The following CHST11 variants were observed in gnomAD, a reference collection of about 807,000 sequenced individuals.
CHST11 encodes the protein C4S-1.
In CHST11, 9 loss-of-function variants were observed where a neutral mutation model predicts 30.4. That is an observed-to-expected ratio of 0.30 (90% CI 0.18 to 0.52). The LOEUF is 0.52. Ranked by LOEUF, CHST11 falls within the 20% of genes least tolerant of loss-of-function variation. CHST11 has a pLI of 0.97. For synonymous variants in CHST11, 152 were observed against 187.8 expected (o/e 0.81, Z 1.56); for missense variants, 348 against 460.6 (o/e 0.76, Z 2.24).
At chr12:104,558,086 G>A (rs545988955) in intron 1 of CHST11, among the ~76,000 whole-genome samples, 2 of 152,240 alleles carry the variant, frequency 1.3e-5, no homozygotes, top group South Asian at 4.1e-4. Flanking sequence ...CAGCCGTGGA[G>A]ATGTGCAGTT....
chr12:104,581,786 G>C (rs1342013992), intron 1 of CHST11, among the ~76,000 whole-genome samples: 2 of 152,212 alleles, frequency 1.3e-5, no homozygotes, highest in African/African-American at 4.8e-5. Flanking sequence ...CTGCCTCCCT[G>C]CATCTTAGCA....
At chr12:104,599,240 G>A (rs1321634362) in intron 1 of CHST11, among the ~76,000 whole-genome samples, 5 of 152,158 alleles carry the variant, frequency 3.3e-5, no homozygotes, top group African/African-American at 4.8e-5. Context: ...AGAACCCAAG[G>A]TTCAGGCCCC....
At chr12:104,637,300 T>G in intron 2 of CHST11, among the ~76,000 whole-genome samples, 1 of 17,862 alleles carries the variant, frequency 5.6e-5, no homozygotes, top group Non-Finnish European at 9.1e-5. Flanking sequence ...AGTGAGACCC[T>G]GTAAAAAAAA....
chr12:104,654,748 A>G (rs964734092), intron 2 of CHST11, among the ~76,000 whole-genome samples: 1 of 152,158 alleles, frequency 6.6e-6, no homozygotes, highest in Non-Finnish European at 1.5e-5. Flanking sequence ...GCAAGGTCAC[A>G]CGCAGACAGA....
At chr12:104,617,378 C>T (rs114030339) in intron 2 of CHST11, among the ~76,000 whole-genome samples, 1,776 of 152,312 alleles carry the variant, frequency 0.012, 31 homozygotes, top group African/African-American at 0.04. Flanking sequence ...CTCACCTTCA[C>T]TCCAGCATTT....
At chr12:104,569,242 A>G (rs1166882353) in intron 1 of CHST11, among the ~76,000 whole-genome samples, 1 of 152,238 alleles carries the variant, frequency 6.6e-6, no homozygotes, top group Non-Finnish European at 1.5e-5. Context: ...CTGACGGAAG[A>G]AATTCTAGGA....
chr12:104,705,467 G>A (rs1245791856), intron 2 of CHST11, among the ~76,000 whole-genome samples: 1 of 152,186 alleles, frequency 6.6e-6, no homozygotes, highest in South Asian at 2.1e-4. Context: ...CTGGGCAACA[G>A]CTATTTTTTG....
intron 1 of CHST11, among the ~76,000 whole-genome samples, chr12:104,561,502 C>T (rs778502972): frequency 1.3e-5 from 2 of 152,156 alleles, no homozygotes; most frequent in African/African-American, 2.4e-5. Flanking sequence ...GTTTCTAACA[C>T]TATGAAAGAA....
chr12:104,658,557 A>G (rs536261484), intron 2 of CHST11, among the ~76,000 whole-genome samples: 3 of 152,280 alleles, frequency 2.0e-5, no homozygotes, highest in Non-Finnish European at 2.9e-5. Context: ...TTAATTCATG[A>G]CAGCGTGTAC....
At chr12:104,540,175 T>C (rs1005653939) in intron 1 of CHST11, among the ~76,000 whole-genome samples, 3 of 152,244 alleles carry the variant, frequency 2.0e-5, no homozygotes, top group Non-Finnish European at 4.4e-5. Context: ...ATTTTCCATC[T>C]GAGGTTGGTT....
At chr12:104,572,580 T>C (rs2136025025) in intron 1 of CHST11, among the ~76,000 whole-genome samples, 1 of 152,314 alleles carries the variant, frequency 6.6e-6, no homozygotes, top group East Asian at 1.9e-4. Flanking sequence ...TCATTTTTTA[T>C]TGCATCTATT....
At chr12:104,500,546 T>TAGTTTG (rs376929370) in intron 1 of CHST11, among the ~76,000 whole-genome samples, 1 of 152,010 alleles carries the variant, frequency 6.6e-6, no homozygotes, top group Non-Finnish European at 1.5e-5. Flanking sequence ...GGTATTTCTC[T>TAGTTTG]GTGAAATGAG....
At chr12:104,693,174 A>G (rs1009231571) in intron 2 of CHST11, among the ~76,000 whole-genome samples, 2 of 152,200 alleles carry the variant, frequency 1.3e-5, no homozygotes, top group Non-Finnish European at 2.9e-5. Context: ...CGCCCCCCAA[A>G]GAACTCATTG....
At chr12:104,539,049 G>A (rs1351406013) in intron 1 of CHST11, among the ~76,000 whole-genome samples, 1 of 152,222 alleles carries the variant, frequency 6.6e-6, no homozygotes, top group East Asian at 1.9e-4. Context: ...GTTGCCCAAG[G>A]TTACACAGCT....
intron 2 of CHST11, among the ~76,000 whole-genome samples, chr12:104,693,170 C>T (rs747158965): frequency 6.6e-6 from 1 of 152,196 alleles, no homozygotes; most frequent in Non-Finnish European, 1.5e-5. Context: ...GCCCCGCCCC[C>T]CAAAGAACTC....
chr12:104,615,817 A>G (rs1015965846), intron 2 of CHST11, among the ~76,000 whole-genome samples: 1 of 152,144 alleles, frequency 6.6e-6, no homozygotes, highest in African/African-American at 2.4e-5. Context: ...AGTCTCAGCT[A>G]CTCAAAAGGC....
intron 2 of CHST11, among the ~76,000 whole-genome samples, chr12:104,683,485 A>G (rs2039817245): frequency 6.6e-6 from 1 of 152,188 alleles, no homozygotes; most frequent in Admixed American, 6.5e-5. Context: ...AGCTGTGGCT[A>G]CACTGAACAA....
intron 2 of CHST11, among the ~76,000 whole-genome samples, chr12:104,750,988 G>A (rs1277390441): frequency 6.6e-6 from 1 of 152,162 alleles, no homozygotes; most frequent in East Asian, 1.9e-4. Flanking sequence ...GGGAAACTGT[G>A]TGTGCCTTGT....
intron 2 of CHST11, among the ~76,000 whole-genome samples, chr12:104,645,200 G>T (rs1424483805): frequency 6.6e-6 from 1 of 152,120 alleles, no homozygotes; most frequent in African/African-American, 2.4e-5. Context: ...GCCCACCTCG[G>T]CCTCCCAAAG....
Sources: allele counts gnomAD v4.1 joint callset (sites outside exome capture counted in the v4.1 genomes callset), GRCh38; gene constraint gnomAD v4.1.1; transcripts MANE v1.5; gene names NCBI Gene and HGNC (gene_info 2026-07-23, HGNC 2026-07-21).